TNRC6B: variants seen among roughly 807,000 people sequenced by gnomAD.
TNRC6B encodes the protein trinucleotide repeat containing adaptor 6B.
Under a neutral mutation model 203.6 loss-of-function variants are expected in TNRC6B, and 52 were observed. The observed-to-expected ratio is 0.26, with a 90% CI of 0.20 to 0.32. TNRC6B has a LOEUF of 0.32. TNRC6B is among the 10% of genes least tolerant of loss of function. The pLI, the probability that TNRC6B is intolerant of heterozygous loss-of-function variation, is 1.00. For missense variants in TNRC6B, 1,923 were observed against 2,286.2 expected, an observed-to-expected ratio of 0.84 and a Z score of 3.24; for synonymous variants, 838 against 845.7, an observed-to-expected ratio of 0.99 and a Z score of 0.16.
chr22:40,088,618 G>A (rs1038748066), intron 1 of TNRC6B, among the ~76,000 whole-genome samples: 3 of 150,688 alleles, frequency 2.0e-5, no homozygotes, highest in African/African-American at 7.4e-5. Flanking sequence ...GTGTGTGTGT[G>A]TGTGTGTGTG....
chr22:40,268,343 A>G (rs1049230724), intron 5 of TNRC6B, among the ~76,000 whole-genome samples: 1 of 152,074 alleles, frequency 6.6e-6, no homozygotes, highest in Non-Finnish European at 1.5e-5. Context: ...GCCTCAGTCT[A>G]CCAAAGTGCT....
Position 40,331,240 on chromosome 22 carries a change from T to A in TNRC6B, c.*7999T>A, listed in dbSNP as rs1345950589. The A allele has an allele frequency of 6.5e-6, 1 of 153,328 alleles. No homozygotes were observed. The highest frequency in any genetic ancestry group is 1.5e-5 in the Non-Finnish European group (1 of 68,530). 9.5% of individuals were successfully genotyped at this position (153,328 alleles called of 1,614,324 possible). A position where few individuals can be genotyped will look rare whatever the true frequency, so the allele number is the denominator to read the frequency against. On this transcript the variant is annotated 3_prime_UTR_variant, in exon 23 of 23. Coordinates refer to ENST00000454349, the MANE Select transcript of TNRC6B (RefSeq NM_001162501.2). The stretch of plus-strand genomic sequence containing the variant: ...GTTGCTGTTGATGCAAACAGGGTAT[T>A]ACACACAAGGAAAAGGGGTTTTGAA...
intron 3 of TNRC6B, among the ~76,000 whole-genome samples, chr22:40,253,309 C>G (rs1029614881): frequency 1.3e-5 from 2 of 149,572 alleles, no homozygotes; most frequent in African/African-American, 2.5e-5. Flanking sequence ...CCAGGATGGT[C>G]TTGGTGTCCT....
intron 1 of TNRC6B, among the ~76,000 whole-genome samples, chr22:40,185,822 G>A (rs532271098): frequency 1.1e-4 from 17 of 152,278 alleles, no homozygotes; most frequent in Middle Eastern, 3.4e-3. Flanking sequence ...AGGCCAATTA[G>A]GGGATAAAAG....
In TNRC6B at chr22:40,321,077, C is replaced by T. The variant is rs950743425; in HGVS notation, c.4975-13C>T. The T allele has an allele frequency of 2.5e-6, 4 of 1,613,556 alleles. No individual in the cohort carries two copies. The highest frequency in any genetic ancestry group is 1.3e-5 in the African/African-American group (1 of 74,904). On this transcript the variant is annotated splice_polypyrimidine_tract_variant and intron_variant, in intron 21 of 22. Transcript: ENST00000454349. ...CCTCCAGTCTTTATCTCATGAATGT[C>T]ATTACTCCTTAGATTGATGGGTCAA...
intron 1 of TNRC6B, among the ~76,000 whole-genome samples, chr22:40,227,347 C>G (rs1360290004): frequency 1.4e-5 from 2 of 146,050 alleles, no homozygotes; most frequent in Non-Finnish European, 3.0e-5. Context: ...CCACACCTAG[C>G]CTGAAATTAC....
chr22:40,314,490 T>TG (rs975121091), intron 19 of TNRC6B, among the ~76,000 whole-genome samples: 17 of 152,248 alleles, frequency 1.1e-4, no homozygotes, highest in Non-Finnish European at 1.9e-4. Context: ...CAACCAAAAT[T>TG]GGGGGGGAAC....
chr22:40,298,859 G>A (rs1176739158), intron 12 of TNRC6B, among the ~76,000 whole-genome samples: 1 of 152,088 alleles, frequency 6.6e-6, no homozygotes, highest in Non-Finnish European at 1.5e-5. Flanking sequence ...CCAGCTACTC[G>A]GGAGGCTGAG....
At chr22:40,222,728 CT>C (rs61374373) in intron 1 of TNRC6B, among the ~76,000 whole-genome samples, 96 of 40,198 alleles carry the variant, frequency 2.4e-3, no homozygotes, top group African/African-American at 8.7e-3. Flanking sequence ...CTCTCTCTCT[CT>C]TTTTTTTTTT....
rs182343464 is a variant in TNRC6B, at chr22:40,330,742, G to A, written c.*7501G>A. The A allele has an allele frequency of 2.0e-5, 3 of 152,692 alleles. No individual in the cohort carries two copies. Among genetic ancestry groups the A allele is most frequent in the Middle Eastern group, 3.4e-3 (1 of 294 alleles). The allele number at this position is 152,692 out of a possible 1,614,324, so 9.5% of individuals were successfully genotyped here. On this transcript the variant is annotated 3_prime_UTR_variant, in exon 23 of 23. Coordinates refer to ENST00000454349, the MANE Select transcript of TNRC6B (RefSeq NM_001162501.2). ...ATGTGCCTTTGTGAGTACAGAGACC[G>A]TCCGTTCTAGGAAGAAGCTATCCGT...
At chr22:40,181,417 A>G (rs1247023175) in intron 1 of TNRC6B, among the ~76,000 whole-genome samples, 1 of 152,184 alleles carries the variant, frequency 6.6e-6, no homozygotes, top group Non-Finnish European at 1.5e-5. Context: ...TTTAATTTTT[A>G]TAACTCAGAT....
intron 1 of TNRC6B, among the ~76,000 whole-genome samples, chr22:40,096,820 T>C (rs540766202): frequency 6.6e-6 from 1 of 152,350 alleles, no homozygotes; most frequent in African/African-American, 2.4e-5. Context: ...AATTTACTTC[T>C]CCATGAAAGC....
At chr22:40,081,874 A>G (rs2146289756) in intron 1 of TNRC6B, among the ~76,000 whole-genome samples, 2 of 151,496 alleles carry the variant, frequency 1.3e-5, no homozygotes, top group Middle Eastern at 3.4e-3. Flanking sequence ...TGATGAATAA[A>G]TTAACAACTG....
rs889014065 is a variant in TNRC6B, at chr22:40,328,821, G to A, written c.*5580G>A. On this transcript the variant is annotated 3_prime_UTR_variant, in exon 23 of 23. Coordinates refer to ENST00000454349, the MANE Select transcript of TNRC6B (RefSeq NM_001162501.2). Reference sequence around the variant, plus strand: ...AAGATCCATTTTTTCCCCATCCTCAGAGTTAAAATTCAACATTTAAAGCTT... The same window carrying A: ...AAGATCCATTTTTTCCCCATCCTCAAAGTTAAAATTCAACATTTAAAGCTT... 5 of 152,166 alleles carry A rather than the reference G, an allele frequency of 3.3e-5. No homozygotes were observed. The highest frequency in any genetic ancestry group is 1.3e-4 in the Admixed American group (2 of 15,250). 9.4% of individuals were successfully genotyped at this position (152,166 alleles called of 1,614,324 possible).
chr22:40,210,017 CAA>C (rs34603156), intron 1 of TNRC6B, among the ~76,000 whole-genome samples: 11 of 132,774 alleles, frequency 8.3e-5, no homozygotes, highest in African/African-American at 1.1e-4. Flanking sequence ...GACTCTGTCT[CAA>C]AAAAAAAAAA....
At chr22:40,117,632 C>T (rs1311900837) in intron 2 of TNRC6B, among the ~76,000 whole-genome samples, 1 of 152,092 alleles carries the variant, frequency 6.6e-6, no homozygotes, top group Admixed American at 6.6e-5. Context: ...GGACCATTTT[C>T]TTTTCCCTAG....
chr22:40,177,571 G>A (rs1212008623), upstream of TNRC6B, among the ~76,000 whole-genome samples: 2 of 152,122 alleles, frequency 1.3e-5, no homozygotes, highest in Non-Finnish European at 2.9e-5. Flanking sequence ...CCCTTTTACA[G>A]AGCAGTTTGC....
chr22:40,290,381 C>T (rs1188670068), intron 12 of TNRC6B, among the ~76,000 whole-genome samples: 2 of 152,316 alleles, frequency 1.3e-5, no homozygotes, highest in African/African-American at 4.8e-5. Flanking sequence ...GGAATCCCCT[C>T]GTGGCTGGTT....
At chr22:40,054,353 T>C (rs2067775152) in intron 1 of TNRC6B, among the ~76,000 whole-genome samples, 9 of 152,116 alleles carry the variant, frequency 5.9e-5, no homozygotes, top group Admixed American at 2.6e-4. Context: ...CCTTGCTGAG[T>C]GTACTCTCAC....
Sources: gnomAD v4.1 joint callset for allele counts (sites outside exome capture counted in the v4.1 genomes callset) on GRCh38, gnomAD v4.1.1 for gene constraint, MANE v1.5 for transcripts, NCBI Gene and HGNC (gene_info 2026-07-23, HGNC 2026-07-21) for gene names.